PDE7B: variants seen among roughly 807,000 people sequenced by gnomAD.
PDE7B encodes phosphodiesterase 7B, also known as 3',5'-cyclic-AMP phosphodiesterase 7B.
In PDE7B, 29 loss-of-function variants were observed where a neutral mutation model predicts 56.2. The ratio of observed to expected loss-of-function variants is 0.52; its 90% confidence interval spans 0.38 to 0.70. The LOEUF is 0.70. PDE7B is among the 30% of genes least tolerant of loss of function. The pLI is 0.00. For missense variants in PDE7B, 490 were observed against 565.0 expected (o/e 0.87, Z 1.35); for synonymous variants, 197 against 196.9 (o/e 1.00, Z 0.00).
chr6:135,948,880 TAGA>T (rs1562449533), intron 2 of PDE7B, among the ~76,000 whole-genome samples: 2 of 146,320 alleles, frequency 1.4e-5, no homozygotes, highest in East Asian at 3.9e-4. Flanking sequence ...GATAGATAGA[TAGA>T]TAGATAGATA....
intron 2 of PDE7B, chr6:136,044,594 G>A (rs960400446): frequency 5.3e-5 from 8 of 152,096 alleles, no homozygotes; most frequent in Non-Finnish European, 1.2e-4. Context: ...AGGTATAAGT[G>A]CAAAACTAAT....
chr6:135,897,819 C>T (rs1253433074), intron 1 of PDE7B, among the ~76,000 whole-genome samples: 2 of 152,156 alleles, frequency 1.3e-5, no homozygotes, highest in Non-Finnish European at 2.9e-5. Flanking sequence ...AGGGCTCATT[C>T]CTCTCATGGG....
At chr6:135,857,695 G>C (rs1355109165) in intron 1 of PDE7B, among the ~76,000 whole-genome samples, 1 of 152,064 alleles carries the variant, frequency 6.6e-6, no homozygotes, top group Non-Finnish European at 1.5e-5. Flanking sequence ...GAAACAACTT[G>C]AGCCCAATAA....
intron 2 of PDE7B, among the ~76,000 whole-genome samples, chr6:135,955,572 C>A (rs1424084458): frequency 1.3e-5 from 2 of 152,086 alleles, no homozygotes; most frequent in East Asian, 3.9e-4. Flanking sequence ...TATAATAGGA[C>A]AAATAACCAT....
chr6:136,028,463 A>G (rs1267873916), intron 2 of PDE7B, among the ~76,000 whole-genome samples: 1 of 152,240 alleles, frequency 6.6e-6, no homozygotes, highest in Non-Finnish European at 1.5e-5. Flanking sequence ...ACAAATCACC[A>G]CAAATTTAGG....
At chr6:135,910,796 A>G (rs924317840) in intron 1 of PDE7B, among the ~76,000 whole-genome samples, 4 of 151,930 alleles carry the variant, frequency 2.6e-5, no homozygotes, top group Non-Finnish European at 4.4e-5. Context: ...CCCCGCATCT[A>G]ACCCCTGGCA....
chr6:136,033,858 T>C (rs1776283678), intron 2 of PDE7B, among the ~76,000 whole-genome samples: 1 of 149,712 alleles, frequency 6.7e-6, no homozygotes, highest in Non-Finnish European at 1.5e-5. Flanking sequence ...GAATTGCATT[T>C]GTAAAAGCAG....
intron 2 of PDE7B, among the ~76,000 whole-genome samples, chr6:135,968,126 C>T (rs1430310723): frequency 6.6e-6 from 1 of 152,132 alleles, no homozygotes; most frequent in East Asian, 1.9e-4. Flanking sequence ...CAAACTGAAC[C>T]CCTTCCTTAT....
chr6:135,906,411 T>A (rs931752606), intron 1 of PDE7B, among the ~76,000 whole-genome samples: 2 of 152,198 alleles, frequency 1.3e-5, no homozygotes, highest in Non-Finnish European at 2.9e-5. Context: ...TTTGTCCTAC[T>A]GTTTGATATT....
At chr6:136,118,503 A>G (rs1168158663) in intron 3 of PDE7B, among the ~76,000 whole-genome samples, 1 of 152,198 alleles carries the variant, frequency 6.6e-6, no homozygotes, top group Non-Finnish European at 1.5e-5. Context: ...TTTAATCCCC[A>G]TAAACACCCT....
intron 10 of PDE7B, among the ~76,000 whole-genome samples, chr6:136,180,439 AC>A (rs893060018): frequency 1.3e-5 from 2 of 152,314 alleles, no homozygotes; most frequent in Admixed American, 6.5e-5. Flanking sequence ...ATGTACTGGT[AC>A]CCCCACTAAC....
Position 136,154,148 on chromosome 6 carries a change from C to A in PDE7B, c.552C>A (p.Ala184=). ...TTCACGCAGCCGACGTCACCCAGGC[C>A]ATGCACTGCTACCTGAAAGAGCCAA... ...NAVHAADVTQ[A]MHCYLKEPKL... Residue 184 remains alanine, a synonymous_variant, in exon 7 of 13, where the codon GCC becomes GCA. Transcript: ENST00000308191. 1 of 1,613,328 alleles carries A rather than the reference C, an allele frequency of 6.2e-7. No homozygotes were observed. The highest frequency in any genetic ancestry group is 1.1e-5 in the South Asian group (1 of 91,058).
intron 2 of PDE7B, among the ~76,000 whole-genome samples, chr6:136,052,745 T>C (rs1776654572): frequency 1.3e-5 from 2 of 152,004 alleles, no homozygotes; most frequent in African/African-American, 2.4e-5. Flanking sequence ...AGCAGAAGTG[T>C]TTTTGTATTT....
chr6:135,865,032 C>T (rs574278521), intron 1 of PDE7B, among the ~76,000 whole-genome samples: 1 of 147,256 alleles, frequency 6.8e-6, no homozygotes, highest in Non-Finnish European at 1.5e-5. Context: ...TGAGTGAGAA[C>T]ATGCAATGTT....
intron 2 of PDE7B, among the ~76,000 whole-genome samples, chr6:136,020,050 CCAAT>C (rs1306766770): frequency 6.6e-6 from 1 of 152,048 alleles, no homozygotes; most frequent in Non-Finnish European, 1.5e-5. Flanking sequence ...GTTTTTTCAC[CCAAT>C]CAGAGATTCT....
intron 2 of PDE7B, among the ~76,000 whole-genome samples, chr6:136,088,173 C>G (rs1434364392): frequency 7.2e-5 from 11 of 152,114 alleles, no homozygotes; most frequent in African/African-American, 2.4e-4. Flanking sequence ...AAACATTGCA[C>G]AGGATGGAGC....
chr6:135,934,875 A>G (rs1214628246), intron 1 of PDE7B, among the ~76,000 whole-genome samples: 1 of 113,624 alleles, frequency 8.8e-6, no homozygotes, highest in Non-Finnish European at 1.7e-5. Flanking sequence ...AAATATATAT[A>G]AATATTTATT....
intron 1 of PDE7B, among the ~76,000 whole-genome samples, chr6:135,934,529 C>G (rs1658969726): frequency 6.6e-6 from 1 of 150,840 alleles, no homozygotes; most frequent in African/African-American, 2.4e-5. Flanking sequence ...GAGTTCGAGA[C>G]CAGTCTGGCC....
intron 2 of PDE7B, among the ~76,000 whole-genome samples, chr6:136,057,388 T>C (rs574161631): frequency 3.9e-5 from 6 of 152,358 alleles, no homozygotes; most frequent in African/African-American, 1.2e-4. Flanking sequence ...AGTATCCTTC[T>C]ATTTTTTAAT....
Sources: allele counts gnomAD v4.1 joint callset (sites outside exome capture counted in the v4.1 genomes callset), GRCh38; gene constraint gnomAD v4.1.1; transcripts MANE v1.5; gene names NCBI Gene and HGNC (gene_info 2026-07-23, HGNC 2026-07-21).